The following FCMR variants were observed in gnomAD, a reference collection of about 807,000 sequenced individuals.
FCMR encodes the protein immunoglobulin mu Fc receptor.
A neutral mutation model predicts 41.6 loss-of-function variants in FCMR; 34 were observed. The ratio of observed to expected loss-of-function variants is 0.82; its 90% CI spans 0.62 to 1.09. FCMR has a LOEUF of 1.09. Among genes scored for constraint, FCMR ranks in the 50% least tolerant of loss-of-function variants. The pLI is 0.00. For missense variants in FCMR, 496 were observed against 512.5 expected (o/e 0.97, Z 0.31); for synonymous variants, 209 against 211.8 (o/e 0.99, Z 0.12).
At chr1:206,908,187 C>T in intron 7 of FCMR, 2 of 1,461,066 alleles carry the variant, frequency 1.4e-6, no homozygotes, top group South Asian at 1.2e-5. Flanking sequence ...AGAAAACTGA[C>T]AAATACACAG....
intron 4 of FCMR, among the ~76,000 whole-genome samples, chr1:206,911,002 T>C (rs899542666): frequency 1.3e-5 from 2 of 152,208 alleles, no homozygotes; most frequent in Non-Finnish European, 2.9e-5. Flanking sequence ...CATCTTCTTA[T>C]ATCTTCAGGA....
At position 206,911,966 on chromosome 1, in the gene FCMR, C is replaced by A; in HGVS notation, c.488-14G>T. The A allele has an allele frequency of 6.3e-7, 1 of 1,595,824 alleles. No homozygotes were observed. Among genetic ancestry groups the A allele is most frequent in the Non-Finnish European group, 8.6e-7 (1 of 1,168,912 alleles). On this transcript the variant is annotated splice_polypyrimidine_tract_variant and intron_variant, in intron 3 of 7. Coordinates refer to ENST00000367091, the MANE Select transcript of FCMR (RefSeq NM_005449.5). ...CTGGTGTGGTAACTGCAGGAGGTAGCAGGAAAAAGGGATGTTCCTTTTATA... is the reference window on the plus strand; with the variant it reads ...CTGGTGTGGTAACTGCAGGAGGTAGAAGGAAAAAGGGATGTTCCTTTTATA...
intron 7 of FCMR, among the ~76,000 whole-genome samples, chr1:206,906,810 G>A (rs1417347103): frequency 3.9e-5 from 6 of 151,946 alleles, no homozygotes; most frequent in African/African-American, 1.2e-4. Context: ...CTGCTGGAAA[G>A]ACGGAGTAGA....
chr1:206,913,370 T>C (rs995765487), intron 2 of FCMR, among the ~76,000 whole-genome samples: 1 of 152,202 alleles, frequency 6.6e-6, no homozygotes, highest in East Asian at 1.9e-4. Context: ...AGTAATAAGA[T>C]TGGCCTATAA....
Position 206,909,279 on chromosome 1 carries a change from T to C in FCMR, c.1044+183A>G, listed in dbSNP as rs541895056. Among the ~76,000 whole-genome samples the C allele has an allele frequency of 1.7e-4, 26 of 152,302 alleles. No individual in the cohort carries two copies. Among genetic ancestry groups the C allele is most frequent in the African/African-American group, 6.3e-4 (26 of 41,568 alleles). ...CTACAGTTCCCGGTATTCAACCTCC[T>C]GACACCAAACAAGGAGGAAACTAAA... On this transcript the variant is annotated intron_variant, in intron 7 of 7. Transcript: ENST00000367091. The surrounding 1 kb of genome is among the most constrained non-coding windows in gnomAD (Gnocchi z 5.0).
At chr1:206,912,314 A>G (rs1204106465) in intron 3 of FCMR, among the ~76,000 whole-genome samples, 3 of 152,208 alleles carry the variant, frequency 2.0e-5, no homozygotes, top group African/African-American at 7.2e-5. Flanking sequence ...AACCTTGGCT[A>G]CATGATCTGT....
intron 7 of FCMR, chr1:206,908,012 C>A: frequency 3.5e-6 from 5 of 1,434,544 alleles, no homozygotes; most frequent in Non-Finnish European, 4.9e-6. Flanking sequence ...CTGAAGCTTA[C>A]AAGAAAGTTT....
chr1:206,910,310 C>A lies in FCMR; in HGVS notation c.741G>T (p.Arg247Ser). 1 of 1,571,886 alleles carries A rather than the reference C, an allele frequency of 6.4e-7. No homozygotes were observed. Among genetic ancestry groups the A allele is most frequent in the South Asian group, 1.2e-5 (1 of 84,920 alleles). ...RALDYGSQSG[R>S]EGQGFHILIP... Reference sequence around the variant, plus strand: ...TCAGGATGTGAAATCCTTGGCCTTCCCTCCCAGACTGTGAGCCATAGTCCA... The same window carrying A: ...TCAGGATGTGAAATCCTTGGCCTTCACTCCCAGACTGTGAGCCATAGTCCA... Residue 247 changes from arginine (R) to serine (S), a missense_variant, in exon 5 of 8, where the codon AGG (arginine) becomes AGT (serine). Arg to Ser is a moderately radical substitution (Grantham distance 110). Coordinates refer to ENST00000367091, the MANE Select transcript of FCMR (RefSeq NM_005449.5).
intron 1 of FCMR, among the ~76,000 whole-genome samples, chr1:206,920,900 C>T (rs1057300309): frequency 6.6e-6 from 1 of 152,210 alleles, no homozygotes; most frequent in Non-Finnish European, 1.5e-5. Context: ...TTGACTGGAT[C>T]AAGGTCTGAA....
At chr1:206,910,446 T>C in intron 4 of FCMR, 106 bp from the exon 5 acceptor site, 1 of 901,912 alleles carries the variant, frequency 1.1e-6, no homozygotes, top group Non-Finnish European at 1.5e-6. Flanking sequence ...CTTACAGGTT[T>C]GTCCTTTTGT....
rs763799731 is a variant in FCMR, at chr1:206,911,881, G to A, written c.559C>T (p.Arg187Cys). ...GAAGATGCTCTGGACACTCGAGGGC[G>A]GTGGGTGATTTGGGTGGTGGGGGAG... Reference protein sequence around the residue: ...HSSPTTQITHRPRVSRASSVA... With the variant: ...HSSPTTQITHCPRVSRASSVA... Residue 187 changes from arginine to cysteine, a missense_variant, in exon 4 of 8, where the codon CGC becomes TGC. Coordinates refer to ENST00000367091, the MANE Select transcript of FCMR (RefSeq NM_005449.5). The A allele has an allele frequency of 1.3e-5, 21 of 1,606,484 alleles. No individual in the cohort carries two copies. The highest frequency in any genetic ancestry group is 5.2e-5 in the Admixed American group (3 of 57,568).
At chr1:206,910,092 T>C in intron 5 of FCMR, 118 bp downstream of exon 5, 1 of 1,267,808 alleles carries the variant, frequency 7.9e-7, no homozygotes, top group Non-Finnish European at 1.1e-6. Context: ...CTAACTTCCC[T>C]ACACCCCAGG....
At position 206,906,121 on chromosome 1, in the gene FCMR, TTAGATGATA is replaced by T. The variant is rs1384068341; in HGVS notation, c.1045-983_1045-975del. On this transcript the variant is annotated intron_variant, in intron 7 of 7. Coordinates refer to ENST00000367091, the MANE Select transcript of FCMR (RefSeq NM_005449.5). ...TAAGCACATGTTGGTAGCACTCCAC[TTAGATGATA>T]TAAGACCAGTCAAGAAAGACCTGGA... 2.1e-5 allele frequency: 10 copies of T among 485,842 alleles called. No individual in the cohort carries two copies. The East Asian group carries it at 5.4e-4, about 26-fold the overall frequency. 30.1% of individuals were successfully genotyped at this position (485,842 alleles called of 1,614,324 possible).
intron 4 of FCMR, 69 bp downstream of exon 4, chr1:206,911,661 C>G (rs932332871): frequency 3.5e-6 from 5 of 1,419,072 alleles, no homozygotes; most frequent in Non-Finnish European, 5.0e-6. Flanking sequence ...TAATAATGGA[C>G]ATTGCAGTGG....
chr1:206,909,597 C>A lies in FCMR; in HGVS notation c.986-77G>T. The A allele has an allele frequency of 7.9e-7, 1 of 1,270,872 alleles. No individual in the cohort carries two copies. Among genetic ancestry groups the A allele is most frequent in the Non-Finnish European group, 1.0e-6 (1 of 989,248 alleles). 78.7% of individuals were successfully genotyped at this position (1,270,872 alleles called of 1,614,324 possible). ...CGTCATGCTACTACTCCCAGCTCCACCCCCGCCCCACTCCCAGCTCCACCC... is the reference window on the plus strand; with the variant it reads ...CGTCATGCTACTACTCCCAGCTCCAACCCCGCCCCACTCCCAGCTCCACCC... On this transcript the variant is annotated intron_variant, in intron 6 of 7. Coordinates refer to ENST00000367091, the MANE Select transcript of FCMR (RefSeq NM_005449.5). The surrounding 1 kb of genome is among the most constrained non-coding windows in gnomAD (Gnocchi z 5.0).
intron 7 of FCMR, among the ~76,000 whole-genome samples, chr1:206,907,095 T>C (rs1160284204): frequency 8.3e-5 from 1 of 12,080 alleles, no homozygotes; most frequent in Non-Finnish European, 1.8e-4. Flanking sequence ...GGTGGGGGGG[T>C]GGGGGGGTGG....
At chr1:206,913,536 A>AAG (rs1679034671) in intron 2 of FCMR, 1 of 588,962 alleles carries the variant, frequency 1.7e-6, no homozygotes, top group Non-Finnish European at 3.0e-6. Flanking sequence ...GAACAATACA[A>AAG]AGAGAGCACC....
At chr1:206,919,388 G>A (rs996471217) in intron 1 of FCMR, among the ~76,000 whole-genome samples, 4 of 152,146 alleles carry the variant, frequency 2.6e-5, no homozygotes, top group African/African-American at 7.2e-5. Context: ...TTGAGTCCAG[G>A]AGTTTGAGAC....
intron 1 of FCMR, among the ~76,000 whole-genome samples, chr1:206,917,232 TA>T (rs1486185747): frequency 6.6e-6 from 1 of 152,094 alleles, no homozygotes; most frequent in African/African-American, 2.4e-5. Flanking sequence ...GGCACCCACT[TA>T]GGGGTGATTT....
Sources: allele counts gnomAD v4.1 joint callset (sites outside exome capture counted in the v4.1 genomes callset), GRCh38; gene constraint gnomAD v4.1.1; non-coding constraint Gnocchi (gnomAD v3.1); transcripts MANE v1.5; gene names NCBI Gene and HGNC (gene_info 2026-07-23, HGNC 2026-07-21).